ZNF613: variants seen among roughly 807,000 people sequenced by gnomAD.
ZNF613 encodes the protein zinc finger protein 613.
A neutral mutation model predicts 14.3 loss-of-function variants in ZNF613; 8 were observed. The observed-to-expected ratio is 0.56, with a 90% confidence interval of 0.33 to 1.01. The LOEUF (loss-of-function observed/expected upper bound fraction) is 1.01, where lower values mean the gene tolerates loss of function less well. Among genes scored for constraint, ZNF613 ranks in the 50% least tolerant of loss-of-function variants. The probability of loss-of-function intolerance (pLI) is 0.03; values close to 1 mark genes in which losing one functional copy is unlikely to be tolerated. For missense variants in ZNF613, 656 were observed against 741.9 expected, an observed-to-expected ratio of 0.88 and a Z score of 1.35; for synonymous variants, 228 against 254.5, an observed-to-expected ratio of 0.90 and a Z score of 0.99.
At chr19:51,936,369 A>G in intron 3 of ZNF613, 134 bp downstream of exon 3, 1 of 869,946 alleles carries the variant, frequency 1.1e-6, no homozygotes, top group Non-Finnish European at 1.7e-6. Flanking sequence ...TTAGATTGTA[A>G]TTTCAACATC....
chr19:51,935,918 C>T, intron 2 of ZNF613, 110 bp from the exon 3 acceptor site: 1 of 329,008 alleles, frequency 3.0e-6, no homozygotes, highest in Non-Finnish European at 5.5e-6. Flanking sequence ...CTTCTGGGGC[C>T]CCAAATAAAG....
intron 2 of ZNF613, among the ~76,000 whole-genome samples, chr19:51,932,302 CTTTTTTT>C (rs34474633): frequency 2.2e-5 from 2 of 90,944 alleles, no homozygotes; most frequent in Admixed American, 1.3e-4. Context: ...CTCCCAACAT[CTTTTTTT>C]TTTTTTTTTT....
chr19:51,940,239 G>C lies in ZNF613; in HGVS notation c.46G>C (p.Glu16Gln). ...ESLTLEDVAV[E>Q]FTWEEWQLLG... ...ACTGACCCTGGAGGATGTGGCTGTG[G>C]AGTTCACTTGGGAGGAGTGGCAGCT... The change falls in exon 4 of 6, where the codon GAG (glutamate) becomes CAG (glutamine). Residue 16 changes from glutamate to glutamine, a missense_variant. Coordinates refer to ENST00000293471, the MANE Select transcript of ZNF613 (RefSeq NM_001031721.4). 1 of 1,613,772 alleles carries C rather than the reference G, an allele frequency of 6.2e-7. No individual in the cohort carries two copies. Among genetic ancestry groups the C allele is most frequent in the South Asian group, 1.1e-5 (1 of 91,076 alleles).
In ZNF613 at chr19:51,944,469, C is replaced by T. The variant is rs752784535; in HGVS notation, c.586C>T (p.Arg196Ter). 15 of 1,602,548 alleles carry T rather than the reference C, an allele frequency of 9.4e-6. No homozygotes were observed. Among genetic ancestry groups the T allele is most frequent in the Admixed American group, 3.4e-5 (2 of 59,174 alleles). Residue 196 changes from arginine to a stop codon, truncating the protein, a stop_gained, in exon 6 of 6, where the codon CGA (arginine) becomes TGA (stop). Coordinates refer to ENST00000293471, the MANE Select transcript of ZNF613 (RefSeq NM_001031721.4). LOFTEE classifies it low-confidence loss of function (END_TRUNC). ...NTNSQFIKHQ[R>*]TQNIDKPHVC... ...AAATTCACAATTCATTAAGCATCAG[C>T]GAACTCAAAACATAGATAAACCCCA...
intron 3 of ZNF613, among the ~76,000 whole-genome samples, chr19:51,937,478 A>G (rs2085312997): frequency 6.6e-6 from 1 of 152,210 alleles, no homozygotes; most frequent in Non-Finnish European, 1.5e-5. Context: ...TGGAATTCAC[A>G]CAAAATGACT....
Position 51,940,269 on chromosome 19 carries a change from G to T in ZNF613, c.76G>T (p.Gly26Cys). Residue 26 changes from glycine (G) to cysteine (C), a missense_variant, in exon 4 of 6, where the codon GGC becomes TGC. Gly to Cys is a radical substitution (Grantham distance 159). Transcript: ENST00000293471. The part of the protein sequence containing the change: ...EFTWEEWQLL[G>C]PAQKDLYRDV... ...CACTTGGGAGGAGTGGCAGCTCCTC[G>T]GCCCTGCTCAGAAGGACCTGTACCG... The T allele has an allele frequency of 6.2e-7, 1 of 1,613,752 alleles. No homozygotes were observed. Among genetic ancestry groups the T allele is most frequent in the Non-Finnish European group, 8.5e-7 (1 of 1,179,822 alleles).
In ZNF613 at chr19:51,944,364, G is replaced by A. The variant is rs2085374843; in HGVS notation, c.481G>A (p.Gly161Arg). 1 of 1,600,816 alleles carries A rather than the reference G, an allele frequency of 6.2e-7. No homozygotes were observed. The highest frequency in any genetic ancestry group is 1.3e-5 in the African/African-American group (1 of 74,712). Residue 161 changes from glycine (G) to arginine (R), a missense_variant, in exon 6 of 6, where the codon GGG becomes AGG. Physicochemically the swap from Gly to Arg is moderately radical, Grantham distance 125 (BLOSUM62 -2). Transcript: ENST00000293471. The stretch of plus-strand genomic sequence containing the variant: ...GAATTCTGTGGGGGTTAATGGAGAT[G>A]GGAAATCCTTCCTTCATGCCAAGCA... ...IKNSVGVNGD[G>R]KSFLHAKHEQ...
At chr19:51,943,019 T>C (rs2085363442) in intron 5 of ZNF613, among the ~76,000 whole-genome samples, 1 of 152,158 alleles carries the variant, frequency 6.6e-6, no homozygotes, top group Non-Finnish European at 1.5e-5. Flanking sequence ...TTTAAAAAAT[T>C]ATGAGATGAG....
At chr19:51,941,600 C>A (rs2085351063) in intron 5 of ZNF613, among the ~76,000 whole-genome samples, 1 of 152,042 alleles carries the variant, frequency 6.6e-6, no homozygotes. Context: ...GTTCTGTTTC[C>A]CATTTATTTT....
At chr19:51,938,750 A>ATATATATATATATG (rs1568465455) in intron 3 of ZNF613, among the ~76,000 whole-genome samples, 2 of 138,470 alleles carry the variant, frequency 1.4e-5, no homozygotes, top group African/African-American at 6.3e-5. Context: ...ATATATATAT[A>ATATATATATATATG]TGTGCAATAT....
chr19:51,931,612 T>C (rs937610003), intron 2 of ZNF613, among the ~76,000 whole-genome samples: 3 of 152,234 alleles, frequency 2.0e-5, no homozygotes, highest in Non-Finnish European at 2.9e-5. Context: ...TTTTTCTTCA[T>C]TCCTAGAACT....
chr19:51,943,395 T>A (rs2085365981), intron 5 of ZNF613, among the ~76,000 whole-genome samples: 1 of 152,232 alleles, frequency 6.6e-6, no homozygotes, highest in Non-Finnish European at 1.5e-5. Context: ...TCTTGCTCCA[T>A]CCTGGAACAG....
chr19:51,931,913 A>G (rs191328244), intron 2 of ZNF613, among the ~76,000 whole-genome samples: 4 of 152,290 alleles, frequency 2.6e-5, no homozygotes, highest in Middle Eastern at 3.4e-3. Context: ...AAAAGACAAA[A>G]ACAAAAGAGT....
chr19:51,929,617 C>A (rs1160798579), intron 1 of ZNF613, 115 bp from the exon 2 acceptor site: 2 of 152,134 alleles, frequency 1.3e-5, no homozygotes, highest in African/African-American at 4.8e-5. Context: ...CAATTGAATA[C>A]CTGTTTGCCT....
chr19:51,928,663 T>C (rs749318756), intron 1 of ZNF613, among the ~76,000 whole-genome samples: 2 of 151,700 alleles, frequency 1.3e-5, no homozygotes, highest in Non-Finnish European at 2.9e-5. Flanking sequence ...AAGTTGGAGA[T>C]CAGCCTGAAC....
chr19:51,933,023 T>C (rs1163546769), intron 2 of ZNF613, among the ~76,000 whole-genome samples: 2 of 152,206 alleles, frequency 1.3e-5, no homozygotes, highest in Non-Finnish European at 2.9e-5. Flanking sequence ...GGTTGTGGAT[T>C]GTGTGCTGGG....
intron 4 of ZNF613, 98 bp downstream of exon 4, chr19:51,940,433 G>A: frequency 1.3e-6 from 2 of 1,598,026 alleles, no homozygotes; most frequent in Non-Finnish European, 8.6e-7. Flanking sequence ...GTGCTCTGAA[G>A]TGGTAGATTC....
intron 1 of ZNF613, chr19:51,928,008 C>CTCCATCTA (rs2085229078): frequency 1.6e-4 from 17 of 106,576 alleles, no homozygotes; most frequent in African/African-American, 9.7e-4. Flanking sequence ...AGCGCCACCA[C>CTCCATCTA]GCTATCTATC....
intron 5 of ZNF613, 25 bp from the exon 6 acceptor site, chr19:51,944,094 G>C: frequency 1.3e-6 from 2 of 1,511,230 alleles, no homozygotes; most frequent in Non-Finnish European, 1.8e-6. Flanking sequence ...CTCATGGAAA[G>C]ATTTATTGTT....
Sources: allele counts gnomAD v4.1 joint callset (sites outside exome capture counted in the v4.1 genomes callset), GRCh38; gene constraint gnomAD v4.1.1; transcripts MANE v1.5; gene names NCBI Gene and HGNC (gene_info 2026-07-23, HGNC 2026-07-21).